GPC6: variants seen among roughly 807,000 people sequenced by gnomAD.
GPC6 encodes the protein glypican-6.
GPC6 carries 14 observed loss-of-function variants against 55.2 expected under a neutral mutation model. The ratio of observed to expected loss-of-function variants is 0.25; its 90% CI spans 0.17 to 0.40. GPC6 has a LOEUF of 0.40. GPC6 is among the 10% of genes least tolerant of loss of function. The probability of loss-of-function intolerance (pLI) is 1.00; values close to 1 mark genes in which losing one functional copy is unlikely to be tolerated. For missense variants in GPC6, 641 were observed against 708.5 expected, an observed-to-expected ratio of 0.90 and a Z score of 1.08; for synonymous variants, 278 against 259.6, an observed-to-expected ratio of 1.07 and a Z score of -0.68.
At chr13:93,642,202 T>C (rs1879980343) in intron 2 of GPC6, among the ~76,000 whole-genome samples, 1 of 152,074 alleles carries the variant, frequency 6.6e-6, no homozygotes, top group South Asian at 2.1e-4. Context: ...TATCCATGTG[T>C]GCCCAATGGT....
chr13:94,031,862 A>G (rs527567960), intron 4 of GPC6, among the ~76,000 whole-genome samples: 1 of 152,320 alleles, frequency 6.6e-6, no homozygotes, highest in African/African-American at 2.4e-5. Context: ...TCATGAACAC[A>G]AAAGTCAAGG....
chr13:93,396,450 C>G (rs1875861118), intron 1 of GPC6, among the ~76,000 whole-genome samples: 1 of 152,026 alleles, frequency 6.6e-6, no homozygotes, highest in East Asian at 1.9e-4. Flanking sequence ...GTAATCCCAG[C>G]TACTCGGGAG....
chr13:94,155,985 T>A (rs1379939231), intron 4 of GPC6, among the ~76,000 whole-genome samples: 2 of 152,058 alleles, frequency 1.3e-5, no homozygotes, highest in Non-Finnish European at 2.9e-5. Flanking sequence ...ATTCGAAGGA[T>A]GAGGAAAGAA....
chr13:94,256,316 G>GA (rs1891502892), intron 4 of GPC6, among the ~76,000 whole-genome samples: 1 of 152,148 alleles, frequency 6.6e-6, no homozygotes, highest in Non-Finnish European at 1.5e-5. Flanking sequence ...ACTAAATTCT[G>GA]AAAAATGGGC....
rs767379547 is a variant in GPC6 at position 93,830,345 on chromosome 13, C to T, written c.511C>T (p.Arg171Trp). 91 of 1,613,738 alleles carry T rather than the reference C, an allele frequency of 5.6e-5. No individual in the cohort carries two copies. Among genetic ancestry groups the T allele is most frequent in the Non-Finnish European group, 7.6e-5 (90 of 1,179,912 alleles). ...TGACTTTTGGGCTCGGCTCCTGGAA[C>T]GGATGTTTCAGCTGATAAACCCTCA... ...LNDFWARLLE[R>W]MFQLINPQYH... The change falls in exon 3 of 9, where the codon CGG becomes TGG. Residue 171 changes from arginine to tryptophan, a missense_variant. Transcript: ENST00000377047.
chr13:93,400,198 A>G (rs746601150), intron 1 of GPC6, among the ~76,000 whole-genome samples: 1 of 152,048 alleles, frequency 6.6e-6, no homozygotes, highest in Non-Finnish European at 1.5e-5. Context: ...CCGAATTATG[A>G]ATTCTTTCTT....
At chr13:94,303,311 G>GT (rs144040380) in intron 5 of GPC6, among the ~76,000 whole-genome samples, 2,598 of 152,202 alleles carry the variant, frequency 0.017, 39 homozygotes, top group East Asian at 0.066. Context: ...TTTACCTCCT[G>GT]TTTTGCCTAA....
chr13:93,976,940 A>G (rs1880545499), intron 3 of GPC6, among the ~76,000 whole-genome samples: 1 of 152,120 alleles, frequency 6.6e-6, no homozygotes. Flanking sequence ...AACAAGTCGT[A>G]CTTCACATTT....
intron 2 of GPC6, among the ~76,000 whole-genome samples, chr13:93,825,606 G>C (rs74108860): frequency 6.6e-6 from 1 of 152,162 alleles, no homozygotes; most frequent in South Asian, 2.1e-4. Context: ...CTTCATTAAC[G>C]CTCCTCATTA....
intron 2 of GPC6, among the ~76,000 whole-genome samples, chr13:93,754,025 G>C (rs1884685538): frequency 6.6e-6 from 1 of 152,160 alleles, no homozygotes; most frequent in Admixed American, 6.5e-5. Context: ...GTGATAGAAG[G>C]AGCAGAGTGA....
At chr13:93,734,632 T>TA (rs1883935047) in intron 2 of GPC6, among the ~76,000 whole-genome samples, 1 of 152,160 alleles carries the variant, frequency 6.6e-6, no homozygotes. Flanking sequence ...CTATGTATAT[T>TA]AAAAAACACC....
At chr13:93,987,303 T>C (rs906925121) in intron 3 of GPC6, among the ~76,000 whole-genome samples, 1 of 152,222 alleles carries the variant, frequency 6.6e-6, no homozygotes, top group Non-Finnish European at 1.5e-5. Flanking sequence ...TTCATTCCTT[T>C]ATTCAAGGAA....
At position 94,404,652 on chromosome 13, in the gene GPC6, G is replaced by A. The variant is rs1881294328; in HGVS notation, c.*1435G>A. The A allele has an allele frequency of 6.6e-6, 1 of 152,222 alleles. No homozygotes were observed. 9.4% of individuals were successfully genotyped at this position (152,222 alleles called of 1,614,324 possible). On this transcript the variant is annotated 3_prime_UTR_variant, in exon 9 of 9. Transcript: ENST00000377047. Reference sequence around the variant, plus strand: ...AGACTACACCAAACTCATGGGATGAGCCATTGGTGTGCAGGGCTTTACCGG... The same window carrying A: ...AGACTACACCAAACTCATGGGATGAACCATTGGTGTGCAGGGCTTTACCGG...
At chr13:93,973,938 G>C (rs1880405947) in intron 3 of GPC6, among the ~76,000 whole-genome samples, 1 of 152,188 alleles carries the variant, frequency 6.6e-6, no homozygotes, top group South Asian at 2.1e-4. Flanking sequence ...AGACAGAGTA[G>C]TACGTTTCTT....
intron 1 of GPC6, among the ~76,000 whole-genome samples, chr13:93,336,878 G>A (rs1303450561): frequency 6.6e-6 from 1 of 152,154 alleles, no homozygotes; most frequent in African/African-American, 2.4e-5. Flanking sequence ...GAGCTTAATA[G>A]AGCCGTCTTT....
chr13:93,600,823 G>A (rs143199594), intron 2 of GPC6, among the ~76,000 whole-genome samples: 2,866 of 151,234 alleles, frequency 0.019, 92 homozygotes, highest in African/African-American at 0.066. Flanking sequence ...GGTGCTGGGC[G>A]CCTGTAATCC....
At position 94,167,459 on chromosome 13, in the gene GPC6, A is replaced by C. The variant is rs535824028; in HGVS notation, c.878-118890A>C. 2.7e-3 allele frequency among the ~76,000 whole-genome samples: 413 copies of C among 152,304 alleles called. 3 individuals are homozygous for C. Among genetic ancestry groups the C allele is most frequent in the South Asian group, 0.017 (83 of 4,828 alleles). The stretch of plus-strand genomic sequence containing the variant: ...ATTATGTTTAAATGGTCATCTAAGA[A>C]ATTATGGATACTATATTTAAATTCA... On this transcript the variant is annotated intron_variant, in intron 4 of 8. Transcript: ENST00000377047.
At chr13:93,675,128 G>A (rs574130915) in intron 2 of GPC6, among the ~76,000 whole-genome samples, 1 of 152,122 alleles carries the variant, frequency 6.6e-6, no homozygotes, top group South Asian at 2.1e-4. Flanking sequence ...TTGAACAAGT[G>A]CAGTGTACAA....
chr13:93,818,268 A>T (rs2138961227), intron 2 of GPC6, among the ~76,000 whole-genome samples: 1 of 151,804 alleles, frequency 6.6e-6, no homozygotes, highest in East Asian at 1.9e-4. Flanking sequence ...AACAAGGTAA[A>T]TTTTTTTATT....
Sources: allele counts gnomAD v4.1 joint callset (sites outside exome capture counted in the v4.1 genomes callset), GRCh38; gene constraint gnomAD v4.1.1; transcripts MANE v1.5; gene names NCBI Gene and HGNC (gene_info 2026-07-23, HGNC 2026-07-21).